The following SLC22A7 variants were observed in gnomAD, a reference collection of about 807,000 sequenced individuals.
The protein encoded by SLC22A7 is hOAT2.
A neutral mutation model predicts 62.2 loss-of-function variants in SLC22A7; 48 were observed. The ratio of observed to expected loss-of-function variants is 0.77; its 90% confidence interval spans 0.61 to 0.98. The LOEUF (loss-of-function observed/expected upper bound fraction) is 0.98. Ranked by LOEUF, SLC22A7 falls within the 50% of genes least tolerant of loss-of-function variation. The pLI is 0.00. For synonymous variants in SLC22A7, 276 were observed against 314.8 expected (o/e 0.88, Z 1.30); for missense variants, 581 against 703.8 (o/e 0.83, Z 1.97).
intron 10 of SLC22A7, 24 bp downstream of exon 10, chr6:43,304,268 T>C: frequency 6.8e-7 from 1 of 1,478,596 alleles, no homozygotes; most frequent in Non-Finnish European, 9.0e-7. Context: ...ACTGTGTCTG[T>C]GTACGTGTGA....
rs369251648 is a variant in SLC22A7, at chr6:43,299,766, A to G, written c.643A>G (p.Ile215Val). ...CTCAGCCCTGGCTGGTTTTACCATC[A>G]TCGTGATGCCACTGGGTGAGGCAGG... ...TGSALAGFTIIVMPLELEWLD... is the reference protein window; with the variant it reads ...TGSALAGFTIVVMPLELEWLD... Residue 215 changes from isoleucine (I) to valine (V), a missense_variant, in exon 4 of 11, where the codon ATC becomes GTC. Ile to Val is a conservative substitution (Grantham distance 29). Coordinates refer to ENST00000372585, the MANE Select transcript of SLC22A7 (RefSeq NM_153320.2). This position sits in a 1 kb window ranked among gnomAD's most constrained non-coding sequence, Gnocchi z 4.4. 40 of 1,614,060 alleles carry G rather than the reference A, an allele frequency of 2.5e-5. No homozygotes were observed. Among genetic ancestry groups the G allele is most frequent in the Admixed American group, 1.5e-4 (9 of 60,004 alleles).
chr6:43,301,309 G>T, intron 6 of SLC22A7, 51 bp downstream of exon 6: 1 of 1,607,628 alleles, frequency 6.2e-7, no homozygotes. Flanking sequence ...GGTGGGGAGT[G>T]GGCTGTGTCA....
Position 43,301,579 on chromosome 6 carries a change from C to T in SLC22A7, c.952-4C>T. On this transcript the variant is annotated splice_region_variant and splice_polypyrimidine_tract_variant and intron_variant, in intron 6 of 10. Coordinates refer to ENST00000372585, the MANE Select transcript of SLC22A7 (RefSeq NM_153320.2). ...TGTTACAACCTCACCTCCTTCCCTACCAGGCTGTGAGCAAAGTGGCCGCCG... is the reference window on the plus strand; with the variant it reads ...TGTTACAACCTCACCTCCTTCCCTATCAGGCTGTGAGCAAAGTGGCCGCCG... 6.2e-7 allele frequency: 1 copy of T among 1,611,330 alleles called. No homozygotes were observed. Among genetic ancestry groups the T allele is most frequent in the Non-Finnish European group, 8.5e-7 (1 of 1,177,446 alleles).
intron 5 of SLC22A7, 35 bp from the exon 6 acceptor site, chr6:43,301,087 GCTTAGGGTCATGA>G: frequency 6.2e-7 from 1 of 1,612,854 alleles, no homozygotes; most frequent in Non-Finnish European, 8.5e-7. Flanking sequence ...GGAACATGTG[GCTTAGGGTCATGA>G]CTTTCTGGCT....
At chr6:43,303,893 C>A (rs998174726) in intron 9 of SLC22A7, 145 bp from the exon 10 acceptor site, 2 of 647,756 alleles carry the variant, frequency 3.1e-6, no homozygotes, top group African/African-American at 3.7e-5. Context: ...GGTGGGAAGA[C>A]CAACTGAAAG....
rs1325716610 is a variant in SLC22A7, at chr6:43,304,078, G to C, written c.1426G>C (p.Gly476Arg). ...GCTGACTGCACTGGTGGGCCGGCTG[G>C]GGGGCTCTTTGGCCCCACTGGCGGC... ...MGLTALVGRLGGSLAPLAALL... is the reference protein window; with the variant it reads ...MGLTALVGRLRGSLAPLAALL... The change falls in exon 10 of 11, where the codon GGG becomes CGG. Residue 476 changes from glycine (G) to arginine (R), a missense_variant. By Grantham distance (125) the Gly-to-Arg change is moderately radical. Transcript: ENST00000372585. 6.3e-7 allele frequency: 1 copy of C among 1,595,376 alleles called. No individual in the cohort carries two copies. Among genetic ancestry groups the C allele is most frequent in the Admixed American group, 1.7e-5 (1 of 58,258 alleles).
At chr6:43,304,559 C>A in intron 10 of SLC22A7, 112 bp from the exon 11 acceptor site, 1 of 849,378 alleles carries the variant, frequency 1.2e-6, no homozygotes, top group Non-Finnish European at 1.9e-6. Flanking sequence ...CTTGTACAGG[C>A]GTTTGTATAC....
intron 5 of SLC22A7, among the ~76,000 whole-genome samples, chr6:43,300,806 T>C (rs1778714335): frequency 6.6e-6 from 1 of 151,860 alleles, no homozygotes; most frequent in Admixed American, 6.6e-5. Context: ...AATATTTATT[T>C]TTTGATTTTT....
intron 5 of SLC22A7, 196 bp downstream of exon 5, chr6:43,300,262 G>A (rs1002074211): frequency 2.6e-5 from 16 of 622,970 alleles, no homozygotes; most frequent in African/African-American, 2.2e-4. Flanking sequence ...AAGGAAAAGT[G>A]AGAAACAGAG....
In SLC22A7 at chr6:43,299,305, G is replaced by C. The variant is rs755232154; in HGVS notation, c.400-85G>C. 2 of 1,605,846 alleles carry C rather than the reference G, an allele frequency of 1.2e-6. No individual in the cohort carries two copies. Among genetic ancestry groups the C allele is most frequent in the Non-Finnish European group, 1.7e-6 (2 of 1,175,726 alleles). ...AGAATGGCAGAGTTCGCCTCAGAAGGCTCCAGGGTCTGGAGAGGAGGAGCT... is the reference window on the plus strand; with the variant it reads ...AGAATGGCAGAGTTCGCCTCAGAAGCCTCCAGGGTCTGGAGAGGAGGAGCT... On this transcript the variant is annotated intron_variant, in intron 2 of 10. Coordinates refer to ENST00000372585, the MANE Select transcript of SLC22A7 (RefSeq NM_153320.2). This position sits in a 1 kb window ranked among gnomAD's most constrained non-coding sequence, Gnocchi z 4.4.
Position 43,298,398 on chromosome 6 carries a change from G to A in SLC22A7, c.40G>A (p.Gly14Arg), listed in dbSNP as rs752334495. The part of the protein sequence containing the change: ...EELLEQVGGF[G>R]PFQLRNVALL... ...GCTGCTGGAGCAGGTGGGCGGCTTT[G>A]GGCCCTTCCAACTGCGGAATGTGGC... The change falls in exon 1 of 11, where the codon GGG becomes AGG. Residue 14 changes from glycine to arginine, a missense_variant. Gly to Arg is a moderately radical substitution (Grantham distance 125). Transcript: ENST00000372585. 6.2e-7 allele frequency: 1 copy of A among 1,613,866 alleles called. No homozygotes were observed. The highest frequency in any genetic ancestry group is 8.5e-7 in the Non-Finnish European group (1 of 1,179,892).
upstream of SLC22A7, chr6:43,295,968 C>T (rs9472029): frequency 0.98 from 149,646 of 152,344 alleles, 73,541 homozygotes; most frequent in East Asian, 1. Flanking sequence ...TGCAGTCGCA[C>T]GATCTCGGCT....
Position 43,302,463 on chromosome 6 carries a change from A to ACC in SLC22A7, c.1276+51_1276+52dup. On this transcript the variant is annotated intron_variant, in intron 8 of 10. Coordinates refer to ENST00000372585, the MANE Select transcript of SLC22A7 (RefSeq NM_153320.2). The surrounding 1 kb of genome is among the most constrained non-coding windows in gnomAD (Gnocchi z 5.0). ...GCCCACCCCAGAAGCCGGGCCAGGA[A>ACC]CCCTGCCCACTCCCCGGAGACCCCA... is the stretch of plus-strand genomic sequence containing the variant. 1 of 1,452,342 alleles carries ACC rather than the reference A, an allele frequency of 6.9e-7. No homozygotes were observed. The highest frequency in any genetic ancestry group is 9.2e-7 in the Non-Finnish European group (1 of 1,084,674). The allele number at this position is 1,452,342 out of a possible 1,614,324, so 90.0% of individuals were successfully genotyped here.
chr6:43,299,369 C>T lies in SLC22A7; in HGVS notation c.400-21C>T. On this transcript the variant is annotated intron_variant, in intron 2 of 10. Transcript: ENST00000372585. The surrounding 1 kb of genome is among the most constrained non-coding windows in gnomAD (Gnocchi z 4.4). ...GAGGGGCTGATGTTCATAGGAGGTC[C>T]CTTTCTGCCTGTCCTTGCAGTGGGA... The T allele has an allele frequency of 1.9e-6, 3 of 1,613,570 alleles. No individual in the cohort carries two copies. The highest frequency in any genetic ancestry group is 2.2e-5 in the South Asian group (2 of 91,048).
chr6:43,300,663 G>A (rs1018845438), intron 5 of SLC22A7, among the ~76,000 whole-genome samples: 1 of 152,142 alleles, frequency 6.6e-6, no homozygotes, highest in African/African-American at 2.4e-5. Context: ...TTGAGATAAG[G>A]TCTTGCTCTG....
chr6:43,299,012 C>A lies in SLC22A7; in HGVS notation c.394-80C>A. 7.1e-7 allele frequency: 1 copy of A among 1,407,672 alleles called. No individual in the cohort carries two copies. The highest frequency in any genetic ancestry group is 9.7e-7 in the Non-Finnish European group (1 of 1,030,572). The allele number at this position is 1,407,672 out of a possible 1,614,324, so 87.2% of individuals were successfully genotyped here. On this transcript the variant is annotated intron_variant, in intron 1 of 10. Transcript: ENST00000372585. This position sits in a 1 kb window ranked among gnomAD's most constrained non-coding sequence, Gnocchi z 4.4. Reference sequence around the variant, plus strand: ...CTAAAGTGGCTTCAGGGAGTTGAGACAAAGAGCTGAGAAGGCAATTTCTGC... The same window carrying A: ...CTAAAGTGGCTTCAGGGAGTTGAGAAAAAGAGCTGAGAAGGCAATTTCTGC...
rs1378167525 is a variant in SLC22A7, at chr6:43,299,706, T to C, written c.583T>C (p.Tyr195His). 6.2e-7 allele frequency: 1 copy of C among 1,614,174 alleles called. No individual in the cohort carries two copies. The highest frequency in any genetic ancestry group is 2.2e-5 in the East Asian group (1 of 44,890). ...LGLASAASVS[Y>H]VMFAITRTLT... ...CCTGGCATCTGCAGCCTCCGTCAGC[T>C]ATGTAATGTTTGCCATCACCCGCAC... Residue 195 changes from tyrosine (Y) to histidine (H), a missense_variant, in exon 4 of 11, where the codon TAT (tyrosine) becomes CAT (histidine). Coordinates refer to ENST00000372585, the MANE Select transcript of SLC22A7 (RefSeq NM_153320.2). The surrounding 1 kb of genome is among the most constrained non-coding windows in gnomAD (Gnocchi z 4.4).
chr6:43,297,297 C>T (rs889849073), upstream of SLC22A7, among the ~76,000 whole-genome samples: 2 of 152,132 alleles, frequency 1.3e-5, no homozygotes, highest in African/African-American at 4.8e-5. Flanking sequence ...TTGTGTGACC[C>T]CAGCAGGTCC....
chr6:43,303,842 C>G (rs1223035055), intron 9 of SLC22A7, among the ~76,000 whole-genome samples, 196 bp from the exon 10 acceptor site: 1 of 152,212 alleles, frequency 6.6e-6, no homozygotes, highest in Non-Finnish European at 1.5e-5. Flanking sequence ...GGGCCCTGTC[C>G]TCTGGTGGGT....
Sources: allele counts gnomAD v4.1 joint callset (sites outside exome capture counted in the v4.1 genomes callset), GRCh38; gene constraint gnomAD v4.1.1; non-coding constraint Gnocchi (gnomAD v3.1); transcripts MANE v1.5; gene names NCBI Gene and HGNC (gene_info 2026-07-23, HGNC 2026-07-21).